Variants in ZNF676 observed in about 807,000 individuals in gnomAD.
ZNF676 encodes the protein zinc finger protein 676.
In ZNF676, 4 loss-of-function variants were observed where a neutral mutation model predicts 6.0. The ratio of observed to expected loss-of-function variants is 0.67; its 90% confidence interval spans 0.33 to 1.53. The LOEUF (loss-of-function observed/expected upper bound fraction) is 1.53, where lower values mean the gene tolerates loss of function less well. ZNF676 is among the 40% of genes most tolerant of loss of function. The pLI is 0.06. For synonymous variants in ZNF676, 198 were observed against 223.1 expected (o/e 0.89, Z 1.00); for missense variants, 644 against 679.7 (o/e 0.95, Z 0.58).
intron 2 of ZNF676, among the ~76,000 whole-genome samples, chr19:22,186,854 C>T (rs2023846746): frequency 6.6e-6 from 1 of 152,104 alleles, no homozygotes; most frequent in Non-Finnish European, 1.5e-5. Flanking sequence ...ATATATGCGC[C>T]CAACACAGGA....
At chr19:22,236,916 C>A in the ZNF676 span, among the ~76,000 whole-genome samples, 2 of 152,174 alleles carry the variant, frequency 1.3e-5, no homozygotes, top group Admixed American at 6.5e-5. Flanking sequence ...TGAGTGCCAC[C>A]ACTTGGCCCC....
rs73930531 is a variant in ZNF676 at position 22,195,125 on chromosome 19, C to A, written c.34+1475G>T. Among the ~76,000 whole-genome samples, 704 of 152,192 alleles carry A rather than the reference C, an allele frequency of 4.6e-3. 8 individuals carry two copies. Among genetic ancestry groups the A allele is most frequent in the African/African-American group, 0.016 (659 of 41,524 alleles). On this transcript the variant is annotated intron_variant, in intron 1 of 2. Transcript: ENST00000397121. ...ATATATAGTGCAATTATTGCTTATG[C>A]CCTGCAAATTACACCCTTTTCCACA...
chr19:22,219,048 G>A (rs1379762517), upstream of ZNF676, among the ~76,000 whole-genome samples: 2 of 110,284 alleles, frequency 1.8e-5, no homozygotes, highest in Non-Finnish European at 3.7e-5. Flanking sequence ...TTTTTTTTTG[G>A]TATCCTGAAA....
In ZNF676 at chr19:22,190,662, TATAC is replaced by T. The variant is rs1381337730; in HGVS notation, c.130+2350_130+2353del. ...ATATATATATATATATATATATATATATACATACACACTTTAAGATATATGGTCA... is the reference window on the plus strand; with the variant it reads ...ATATATATATATATATATATATATATATACACACTTTAAGATATATGGTCA... On this transcript the variant is annotated intron_variant, in intron 2 of 2. Transcript: ENST00000397121. Among the ~76,000 whole-genome samples the T allele has an allele frequency of 1.9e-3, 227 of 122,394 alleles. 3 individuals are homozygous for T. Among genetic ancestry groups the T allele is most frequent in the African/African-American group, 0.011 (215 of 19,948 alleles). 80.3% of individuals were successfully genotyped at this position (122,394 alleles called of 152,430 possible).
chr19:22,181,567 G>T lies in ZNF676; in HGVS notation c.150C>A (p.Ser50=), dbSNP rs1412814481. The T allele has an allele frequency of 5.1e-6, 8 of 1,558,026 alleles. No individual in the cohort carries two copies. The East Asian group carries it at 1.6e-4, about 31-fold the overall frequency. ...EEPPVICSHF[S]QEFWPEQGIE... ...TGCCTTGCTCTGGCCAAAACTCTTGGGAAAAATGAGAACATATAACTGAAA... is the reference window on the plus strand; with the variant it reads ...TGCCTTGCTCTGGCCAAAACTCTTGTGAAAAATGAGAACATATAACTGAAA... The change falls in exon 3 of 3, where the codon TCC becomes TCA. Residue 50 remains serine (S), a synonymous_variant. Coordinates refer to ENST00000397121, the MANE Select transcript of ZNF676 (RefSeq NM_001001411.3).
chr19:22,219,099 T>A (rs2144850674), upstream of ZNF676, among the ~76,000 whole-genome samples: 1 of 151,750 alleles, frequency 6.6e-6, no homozygotes, highest in African/African-American at 2.4e-5. Flanking sequence ...GTTTTTTGTT[T>A]TGTTTTTTTT....
upstream of ZNF676, among the ~76,000 whole-genome samples, chr19:22,218,644 G>A (rs1000351697): frequency 5.3e-5 from 8 of 151,868 alleles, no homozygotes; most frequent in East Asian, 1.9e-4. Flanking sequence ...GCACTCAGCC[G>A]AAGATCCAGT....
the ZNF676 span, among the ~76,000 whole-genome samples, chr19:22,232,892 T>G: frequency 1.3e-5 from 2 of 152,180 alleles, no homozygotes; most frequent in Non-Finnish European, 2.9e-5. Flanking sequence ...AATGCAATGT[T>G]CTTTAAAAGT....
the ZNF676 span, among the ~76,000 whole-genome samples, chr19:22,259,102 C>T: frequency 3.9e-5 from 6 of 152,110 alleles, no homozygotes; most frequent in Admixed American, 1.3e-4. Context: ...TGTACCCATA[C>T]GGATTCACTG....
chr19:22,231,207 CA>C, the ZNF676 span, among the ~76,000 whole-genome samples: 3 of 149,074 alleles, frequency 2.0e-5, no homozygotes, highest in East Asian at 2.0e-4. Context: ...CAAGGTATCA[CA>C]AAAAAAAATC....
At position 22,180,249 on chromosome 19, in the gene ZNF676, A is replaced by G; in HGVS notation, c.1468T>C (p.Ser490Pro). 1 of 1,613,708 alleles carries G rather than the reference A, an allele frequency of 6.2e-7. No individual in the cohort carries two copies. Reference sequence around the variant, plus strand: ...ATTATCTTATGTTTAGTAAGGATTGAGAACGTACTAAAGCCTTTGCCACAT... The same window carrying G: ...ATTATCTTATGTTTAGTAAGGATTGGGAACGTACTAAAGCCTTTGCCACAT... ...EECGKGFSTF[S>P]ILTKHKIIHT... The change falls in exon 3 of 3, where the codon TCA (serine) becomes CCA (proline). Residue 490 changes from serine to proline, a missense_variant. Physicochemically the swap from Ser to Pro is moderately conservative, Grantham distance 74 (BLOSUM62 -1). Transcript: ENST00000397121.
upstream of ZNF676, among the ~76,000 whole-genome samples, chr19:22,200,082 A>G (rs927919945): frequency 6.6e-6 from 1 of 152,136 alleles, no homozygotes; most frequent in African/African-American, 2.4e-5. Context: ...GAGCCAATGT[A>G]CAATTCTGTT....
intron 1 of ZNF676, among the ~76,000 whole-genome samples, chr19:22,204,844 C>G (rs547887477): frequency 6.6e-6 from 1 of 152,124 alleles, no homozygotes; most frequent in African/African-American, 2.4e-5. Flanking sequence ...AATTCTGAGT[C>G]AAAAGAATGA....
At chr19:22,188,246 A>G (rs777820023) in intron 2 of ZNF676, among the ~76,000 whole-genome samples, 1 of 152,198 alleles carries the variant, frequency 6.6e-6, no homozygotes, top group Non-Finnish European at 1.5e-5. Flanking sequence ...ACATAAACAG[A>G]ACCAAAGACA....
chr19:22,232,550 A>T, the ZNF676 span, among the ~76,000 whole-genome samples: 3 of 152,222 alleles, frequency 2.0e-5, no homozygotes, highest in Non-Finnish European at 4.4e-5. Context: ...GAACTTGAAG[A>T]CAAGTATAAA....
At chr19:22,250,506 C>A in the ZNF676 span, among the ~76,000 whole-genome samples, 1 of 152,136 alleles carries the variant, frequency 6.6e-6, no homozygotes, top group Non-Finnish European at 1.5e-5. Flanking sequence ...CCAACCTCCA[C>A]CTCCCGGGTT....
At chr19:22,227,163 C>G in the ZNF676 span, among the ~76,000 whole-genome samples, 4 of 152,192 alleles carry the variant, frequency 2.6e-5, no homozygotes, top group African/African-American at 9.6e-5. Context: ...CAAACAGTCT[C>G]TCATACCACA....
At chr19:22,254,199 T>A in the ZNF676 span, among the ~76,000 whole-genome samples, 16 of 152,202 alleles carry the variant, frequency 1.1e-4, no homozygotes, top group South Asian at 6.2e-4. Context: ...TACAATCCCC[T>A]CTTAAAGCAG....
chr19:22,203,234 T>C (rs2144796447), intron 1 of ZNF676: 1 of 157,212 alleles, frequency 6.4e-6, no homozygotes, highest in Middle Eastern at 3.2e-3. Context: ...TCAGTTTTTA[T>C]TTATAATGGC....
Sources: allele counts gnomAD v4.1 joint callset (sites outside exome capture counted in the v4.1 genomes callset), GRCh38; gene constraint gnomAD v4.1.1; transcripts MANE v1.5; gene names NCBI Gene and HGNC (gene_info 2026-07-23, HGNC 2026-07-21).